Variants in PHACTR1 observed in about 807,000 individuals in gnomAD.
PHACTR1 encodes the protein phosphatase and actin regulator 1.
A neutral mutation model predicts 69.2 loss-of-function variants in PHACTR1; 16 were observed. The observed-to-expected ratio is 0.23, with a 90% confidence interval of 0.16 to 0.35. PHACTR1 has a LOEUF of 0.35. PHACTR1 is among the 10% of genes least tolerant of loss of function. The pLI, the probability that PHACTR1 is intolerant of heterozygous loss-of-function variation, is 1.00. For synonymous variants in PHACTR1, 312 were observed against 284.5 expected (o/e 1.10, Z -0.97); for missense variants, 510 against 734.7 (o/e 0.69, Z 3.54).
chr6:13,040,812 A>T (rs1394209175), intron 4 of PHACTR1, among the ~76,000 whole-genome samples: 1 of 152,200 alleles, frequency 6.6e-6, no homozygotes, highest in Non-Finnish European at 1.5e-5. Flanking sequence ...TTGTATATGC[A>T]ATCAGAGAGC....
intron 4 of PHACTR1, among the ~76,000 whole-genome samples, chr6:12,766,123 G>A (rs910946457): frequency 2.6e-5 from 4 of 152,056 alleles, no homozygotes; most frequent in Non-Finnish European, 5.9e-5. Flanking sequence ...ATATATTTCT[G>A]AAAACGATAC....
chr6:12,942,050 G>A (rs1460347167), intron 4 of PHACTR1, among the ~76,000 whole-genome samples: 2 of 152,174 alleles, frequency 1.3e-5, no homozygotes, highest in East Asian at 3.9e-4. Flanking sequence ...CTCATCCAGA[G>A]TGGGATTAAA....
intron 4 of PHACTR1, among the ~76,000 whole-genome samples, chr6:12,915,551 C>T (rs1169594882): frequency 6.6e-6 from 1 of 151,288 alleles, no homozygotes; most frequent in Non-Finnish European, 1.5e-5. Flanking sequence ...GGAGAAGTGC[C>T]CTTCTTCCTG....
chr6:13,158,662 C>T (rs968939091), intron 5 of PHACTR1, among the ~76,000 whole-genome samples: 1 of 152,178 alleles, frequency 6.6e-6, no homozygotes, highest in African/African-American at 2.4e-5. Flanking sequence ...ATGGAGATGT[C>T]CTGGTCCCAC....
rs529698177 is a variant in PHACTR1, at chr6:12,772,854, T to C, written c.250+23064T>C. ...CATGATAGTCCGTGTTTAAAGTTTC[T>C]GTTTGCACTAGGATGTGTCGTTGAA... On this transcript the variant is annotated intron_variant, in intron 4 of 14. Coordinates refer to ENST00000332995, the MANE Select transcript of PHACTR1 (RefSeq NM_030948.6). Among the ~76,000 whole-genome samples, 4 of 152,382 alleles carry C rather than the reference T, an allele frequency of 2.6e-5. No individual in the cohort carries two copies. The South Asian group carries it at 8.3e-4, about 32-fold the overall frequency.
chr6:13,223,393 A>G lies in PHACTR1; in HGVS notation c.987-4423A>G, dbSNP rs557863568. 3.3e-5 allele frequency among the ~76,000 whole-genome samples: 5 copies of G among 152,176 alleles called. No homozygotes were observed. The East Asian group carries it at 9.6e-4, about 29-fold the overall frequency. On this transcript the variant is annotated intron_variant, in intron 8 of 14. Transcript: ENST00000332995. ...GCAGCCAAGGTGAATCGGTGAATAG[A>G]TGGGTCTCCTGAACGCCCTGAGTAT...
intron 4 of PHACTR1, among the ~76,000 whole-genome samples, chr6:12,932,723 C>T (rs188059933): frequency 1.2e-3 from 180 of 152,274 alleles, no homozygotes; most frequent in African/African-American, 4.2e-3. Context: ...CTTTTGTCTG[C>T]ATTATCTCAT....
intron 5 of PHACTR1, among the ~76,000 whole-genome samples, chr6:13,071,159 G>T (rs1240449041): frequency 6.6e-6 from 1 of 152,168 alleles, no homozygotes; most frequent in South Asian, 2.1e-4. Context: ...GGGTGCAGTG[G>T]CTCGTGCCTG....
intron 4 of PHACTR1, among the ~76,000 whole-genome samples, chr6:12,845,429 A>ACCCCCCCCCCCCC (rs1214194071): frequency 5.5e-5 from 1 of 18,028 alleles, no homozygotes. Context: ...AACACCACCC[A>ACCCCCCCCCCCCC]CCCCCCCCCC....
chr6:12,860,259 T>C (rs144273252), intron 4 of PHACTR1, among the ~76,000 whole-genome samples: 1,832 of 152,282 alleles, frequency 0.012, 17 homozygotes, highest in Non-Finnish European at 0.02. Context: ...TTTCGTTTTC[T>C]GTTCCTATGT....
chr6:12,739,261 G>A (rs1179361585), intron 3 of PHACTR1, among the ~76,000 whole-genome samples: 1 of 152,020 alleles, frequency 6.6e-6, no homozygotes, highest in Non-Finnish European at 1.5e-5. Context: ...AAAATGCTGG[G>A]ACCTGAATCT....
chr6:13,029,616 C>T (rs752996056), intron 4 of PHACTR1, among the ~76,000 whole-genome samples: 13 of 152,164 alleles, frequency 8.5e-5, no homozygotes, highest in Admixed American at 3.9e-4. Context: ...AATGAAGCTA[C>T]GTAGCTAGGA....
At chr6:13,005,614 G>A (rs1418950606) in intron 4 of PHACTR1, among the ~76,000 whole-genome samples, 1 of 152,086 alleles carries the variant, frequency 6.6e-6, no homozygotes. Flanking sequence ...AAATTGGTTT[G>A]GAAGCTCAGG....
At chr6:12,872,933 CTTTT>C (rs1209429555) in intron 4 of PHACTR1, among the ~76,000 whole-genome samples, 4 of 151,886 alleles carry the variant, frequency 2.6e-5, no homozygotes, top group East Asian at 3.9e-4. Flanking sequence ...TTCTTTCTTT[CTTTT>C]CTTTCTTTCT....
chr6:12,784,615 T>A (rs55764622), intron 4 of PHACTR1, among the ~76,000 whole-genome samples: 10,598 of 152,048 alleles, frequency 0.07, 463 homozygotes, highest in Admixed American at 0.1. Flanking sequence ...TACACATATA[T>A]GATGATAAAC....
intron 4 of PHACTR1, among the ~76,000 whole-genome samples, chr6:12,812,828 G>A (rs1354969229): frequency 6.6e-6 from 1 of 152,148 alleles, no homozygotes; most frequent in East Asian, 1.9e-4. Flanking sequence ...GCACTTCAGC[G>A]GTGTGTAATT....
intron 5 of PHACTR1, among the ~76,000 whole-genome samples, chr6:13,143,189 A>G (rs138734251): frequency 3.9e-5 from 6 of 152,332 alleles, no homozygotes; most frequent in African/African-American, 1.4e-4. Context: ...ACAAAAAAAT[A>G]GTTGAAAATG....
chr6:12,794,755 G>A (rs539589940), intron 4 of PHACTR1, among the ~76,000 whole-genome samples: 1 of 152,162 alleles, frequency 6.6e-6, no homozygotes, highest in African/African-American at 2.4e-5. Context: ...CACATGTGGT[G>A]TCTACTGTTT....
At chr6:12,985,769 A>C (rs1238075834) in intron 4 of PHACTR1, among the ~76,000 whole-genome samples, 1 of 152,006 alleles carries the variant, frequency 6.6e-6, no homozygotes, top group Non-Finnish European at 1.5e-5. Context: ...CCATAAACAT[A>C]ATATTAAGGG....
Sources: allele counts gnomAD v4.1 joint callset (sites outside exome capture counted in the v4.1 genomes callset), GRCh38; gene constraint gnomAD v4.1.1; transcripts MANE v1.5; gene names NCBI Gene and HGNC (gene_info 2026-07-23, HGNC 2026-07-21).